IL10RB: variants seen among roughly 807,000 people sequenced by gnomAD.
IL10RB encodes the protein interleukin-10 receptor subunit beta.
A neutral mutation model predicts 38.7 loss-of-function variants in IL10RB; 30 were observed. The ratio of observed to expected loss-of-function variants is 0.78; its 90% CI spans 0.58 to 1.05. The LOEUF (loss-of-function observed/expected upper bound fraction) is 1.05. Among genes scored for constraint, IL10RB ranks in the 50% least tolerant of loss-of-function variants. The pLI is 0.00. For missense variants in IL10RB, 328 were observed against 397.1 expected, an observed-to-expected ratio of 0.83 and a Z score of 1.48; for synonymous variants, 142 against 145.9, an observed-to-expected ratio of 0.97 and a Z score of 0.19.
At chr21:33,267,482 G>GTTTT (rs368499766) in intron 1 of IL10RB, among the ~76,000 whole-genome samples, 3 of 124,640 alleles carry the variant, frequency 2.4e-5, no homozygotes, top group African/African-American at 6.2e-5. Context: ...TTCTTCTTCC[G>GTTTT]TTTTTTTTTT....
chr21:33,298,773 A>C (rs2082977459), downstream of IL10RB, among the ~76,000 whole-genome samples: 1 of 152,230 alleles, frequency 6.6e-6, no homozygotes, highest in African/African-American at 2.4e-5. Flanking sequence ...AGCCTGAAAA[A>C]TCAAGCTGCA....
chr21:33,267,990 G>A (rs997965644), intron 1 of IL10RB: 11 of 335,334 alleles, frequency 3.3e-5, no homozygotes, highest in Non-Finnish European at 5.8e-5. Flanking sequence ...GAGTTCCCCA[G>A]CTGAGCTCCA....
chr21:33,293,913 G>T, intron 6 of IL10RB: 1 of 459,262 alleles, frequency 2.2e-6, no homozygotes, highest in South Asian at 1.6e-5. Context: ...AAAGAATGAG[G>T]GTGGGCCCTT....
intron 6 of IL10RB, 147 bp downstream of exon 6, chr21:33,288,408 CA>C: frequency 2.9e-6 from 2 of 689,750 alleles, no homozygotes; most frequent in Non-Finnish European, 5.2e-6. Context: ...CACACACAGA[CA>C]CGCCTCTTGT....
chr21:33,283,245 A>G lies in IL10RB; in HGVS notation c.646+4A>G. 1.9e-6 allele frequency: 3 copies of G among 1,613,498 alleles called. No homozygotes were observed. The highest frequency in any genetic ancestry group is 2.5e-6 in the Non-Finnish European group (3 of 1,179,958). ...TGTGAGCAAACAACCCATGACGGTA[A>G]GCCCTGAGATGCACCTCCGCTAAGC... On this transcript the variant is annotated splice_donor_region_variant and intron_variant, in intron 5 of 6. Coordinates refer to ENST00000290200, the MANE Select transcript of IL10RB (RefSeq NM_000628.5).
At chr21:33,278,003 C>A (rs1989207665) in intron 3 of IL10RB, among the ~76,000 whole-genome samples, 2 of 128,296 alleles carry the variant, frequency 1.6e-5, no homozygotes, top group Non-Finnish European at 3.2e-5. Flanking sequence ...CCAGCCTGGG[C>A]AACATGGTGA....
chr21:33,273,040 T>A (rs1045220269), intron 2 of IL10RB, among the ~76,000 whole-genome samples: 1 of 152,206 alleles, frequency 6.6e-6, no homozygotes, highest in African/African-American at 2.4e-5. Context: ...ACTTAACAAC[T>A]GGGGTAGATT....
intron 5 of IL10RB, 152 bp downstream of exon 5, chr21:33,283,393 A>G (rs924332251): frequency 1.2e-4 from 103 of 827,946 alleles, no homozygotes; most frequent in Non-Finnish European, 1.9e-4. Flanking sequence ...GCTTCATGCT[A>G]GGAAGGAGAC....
At position 33,276,630 on chromosome 21, in the gene IL10RB, A is replaced by G. The variant is rs1178679614; in HGVS notation, c.208A>G (p.Thr70Ala). The part of the protein sequence containing the change: ...RIFQDKCMNT[T>A]LTECDFSSLS... ...ATTCCAAGATAAATGCATGAATACTACCTTGACGGAATGTGATTTCTCAAG... is the reference window on the plus strand; with the variant it reads ...ATTCCAAGATAAATGCATGAATACTGCCTTGACGGAATGTGATTTCTCAAG... Residue 70 changes from threonine (T) to alanine (A), a missense_variant, in exon 3 of 7, where the codon ACC becomes GCC. Physicochemically the swap from Thr to Ala is moderately conservative, Grantham distance 58 (BLOSUM62 0). Transcript: ENST00000290200. The G allele has an allele frequency of 3.7e-6, 6 of 1,613,166 alleles. No individual in the cohort carries two copies. Among genetic ancestry groups the G allele is most frequent in the Admixed American group, 1.7e-5 (1 of 60,024 alleles).
intron 5 of IL10RB, among the ~76,000 whole-genome samples, chr21:33,286,668 T>C (rs558381833): frequency 1.6e-5 from 2 of 127,956 alleles, no homozygotes; most frequent in South Asian, 5.0e-4. Flanking sequence ...CTGGCCAAAA[T>C]AGTGGGACCC....
At chr21:33,266,999 G>A (rs988391666) in intron 1 of IL10RB, among the ~76,000 whole-genome samples, 1 of 151,956 alleles carries the variant, frequency 6.6e-6, no homozygotes, top group African/African-American at 2.4e-5. Flanking sequence ...ATCACCCGCT[G>A]CACCTCCCCT....
intron 6 of IL10RB, among the ~76,000 whole-genome samples, chr21:33,295,691 T>C (rs989109698): frequency 7.9e-6 from 1 of 126,742 alleles, no homozygotes; most frequent in African/African-American, 2.8e-5. Flanking sequence ...AAAAAAAAAA[T>C]CTTCGTTTGT....
intron 3 of IL10RB, among the ~76,000 whole-genome samples, chr21:33,277,264 G>A (rs1474186818): frequency 2.6e-5 from 4 of 151,816 alleles, no homozygotes; most frequent in African/African-American, 4.8e-5. Flanking sequence ...TCCCAGGTTA[G>A]GTGGAGATTG....
At chr21:33,296,118 A>G (rs1568912926) in intron 6 of IL10RB, 66 bp from the exon 7 acceptor site, 1 of 1,266,400 alleles carries the variant, frequency 7.9e-7, no homozygotes, top group Non-Finnish European at 1.2e-6. Flanking sequence ...CTGTGAAAAA[A>G]TCTTTGTAAA....
rs886057005 is a variant in IL10RB at position 33,296,722 on chromosome 21, C to A, written c.*365C>A. The A allele has an allele frequency of 4.8e-5, 18 of 377,952 alleles. 1 individual carries two copies. Among genetic ancestry groups the A allele is most frequent in the South Asian group, 3.6e-4 (18 of 49,742 alleles). The allele number at this position is 377,952 out of a possible 1,614,324, so 23.4% of individuals were successfully genotyped here. ...CCAGCACCTTAGAGGTCGAGGCAGG[C>A]GGATCACTTGAGGTCAGGAGTTCAA... On this transcript the variant is annotated 3_prime_UTR_variant, in exon 7 of 7. Coordinates refer to ENST00000290200, the MANE Select transcript of IL10RB (RefSeq NM_000628.5).
At chr21:33,278,694 A>G (rs2123577439) in intron 3 of IL10RB, among the ~76,000 whole-genome samples, 1 of 152,316 alleles carries the variant, frequency 6.6e-6, no homozygotes, top group African/African-American at 2.4e-5. Context: ...ACTACCCAAT[A>G]TTGGAGATTT....
At chr21:33,267,997 T>C in intron 1 of IL10RB, 1 of 337,200 alleles carries the variant, frequency 3.0e-6, no homozygotes, top group Non-Finnish European at 5.8e-6. Flanking sequence ...CCAGCTGAGC[T>C]CCAATCGGGG....
At chr21:33,282,985 C>T in intron 4 of IL10RB, 109 bp from the exon 5 acceptor site, 2 of 907,860 alleles carry the variant, frequency 2.2e-6, no homozygotes, top group Non-Finnish European at 3.6e-6. Context: ...CTACCTGCTC[C>T]TTCCTATTTT....
intron 4 of IL10RB, among the ~76,000 whole-genome samples, chr21:33,281,760 A>C (rs1989284072): frequency 6.6e-6 from 1 of 152,116 alleles, no homozygotes; most frequent in African/African-American, 2.4e-5. Context: ...TTTTTCTATC[A>C]ATACAGGCTT....
Sources: gnomAD v4.1 joint callset for allele counts (sites outside exome capture counted in the v4.1 genomes callset) on GRCh38, gnomAD v4.1.1 for gene constraint, MANE v1.5 for transcripts, NCBI Gene and HGNC (gene_info 2026-07-23, HGNC 2026-07-21) for gene names.